The following CALN1 variants were observed in gnomAD, a reference collection of about 807,000 sequenced individuals.
The protein encoded by CALN1 is calneuron 1, also known as calcium-binding protein 8.
In CALN1, 17 loss-of-function variants were observed where a neutral mutation model predicts 30.6. The observed-to-expected ratio is 0.56, with a 90% CI of 0.38 to 0.83. The LOEUF (loss-of-function observed/expected upper bound fraction) is 0.83. CALN1 is among the 40% of genes least tolerant of loss of function. The probability of loss-of-function intolerance (pLI) is 0.00; values close to 1 mark genes in which losing one functional copy is unlikely to be tolerated. For missense variants in CALN1, 291 were observed against 354.9 expected (o/e 0.82, Z 1.45); for synonymous variants, 156 against 131.4 (o/e 1.19, Z -1.28).
chr7:71,999,952 A>G (rs1489733882), intron 5 of CALN1, among the ~76,000 whole-genome samples: 2 of 152,200 alleles, frequency 1.3e-5, no homozygotes, highest in Non-Finnish European at 2.9e-5. Context: ...ACTAGAAACT[A>G]GCAACAGAAA....
At chr7:72,217,159 G>A (rs78461601) in intron 3 of CALN1, among the ~76,000 whole-genome samples, 5 of 152,144 alleles carry the variant, frequency 3.3e-5, no homozygotes, top group Non-Finnish European at 7.3e-5. Context: ...CCAAGGTGCA[G>A]GCATTGTCCC....
intron 4 of CALN1, among the ~76,000 whole-genome samples, chr7:72,042,353 C>T (rs187312883): frequency 6.2e-4 from 95 of 152,236 alleles, no homozygotes; most frequent in Non-Finnish European, 1.1e-3. Flanking sequence ...TCTGAAGGAT[C>T]CAGAGTGTGG....
chr7:72,138,987 C>T (rs566085251), intron 3 of CALN1, among the ~76,000 whole-genome samples: 30 of 152,316 alleles, frequency 2.0e-4, no homozygotes, highest in Non-Finnish European at 2.2e-4. Context: ...CATCATCTAG[C>T]GTTCAATCTC....
chr7:71,987,286 T>G (rs1341867913), intron 5 of CALN1, among the ~76,000 whole-genome samples: 2 of 152,244 alleles, frequency 1.3e-5, no homozygotes, highest in Non-Finnish European at 2.9e-5. Context: ...TTGTGCTTAT[T>G]CAGTGTCTGT....
At chr7:72,414,866 C>A (rs1475156684), upstream of CALN1, among the ~76,000 whole-genome samples, 1 of 152,210 alleles carries the variant, frequency 6.6e-6, no homozygotes, top group African/African-American at 2.4e-5. Flanking sequence ...TGAATTGTGT[C>A]CCTCCTCCAA....
At chr7:72,043,819 C>G (rs1031338246) in intron 4 of CALN1, among the ~76,000 whole-genome samples, 2 of 152,260 alleles carry the variant, frequency 1.3e-5, no homozygotes, top group East Asian at 3.9e-4. Flanking sequence ...ACACATGAGA[C>G]TGGGCAATTT....
At chr7:72,248,264 G>T (rs1164886961) in intron 3 of CALN1, among the ~76,000 whole-genome samples, 1 of 152,016 alleles carries the variant, frequency 6.6e-6, no homozygotes, top group Non-Finnish European at 1.5e-5. Flanking sequence ...ACAAGTGCTC[G>T]CCACCACACC....
chr7:72,163,918 C>A (rs1335329033), intron 3 of CALN1, among the ~76,000 whole-genome samples: 3 of 151,746 alleles, frequency 2.0e-5, no homozygotes, highest in African/African-American at 7.3e-5. Flanking sequence ...ATCAGACTAC[C>A]ACAAACAAGA....
intron 3 of CALN1, among the ~76,000 whole-genome samples, chr7:72,169,226 A>C (rs915102104): frequency 5.3e-5 from 8 of 151,100 alleles, no homozygotes; most frequent in East Asian, 1.9e-4. Flanking sequence ...AACTTAAGAC[A>C]AAAAAAAAGC....
At chr7:72,388,748 A>C (rs1392078924) in intron 2 of CALN1, among the ~76,000 whole-genome samples, 2 of 152,182 alleles carry the variant, frequency 1.3e-5, no homozygotes, top group East Asian at 3.9e-4. Context: ...TGCTGATCCC[A>C]CATACATGAC....
intron 5 of CALN1, among the ~76,000 whole-genome samples, chr7:71,920,399 G>T (rs1031673236): frequency 7.0e-6 from 1 of 142,858 alleles, no homozygotes. Flanking sequence ...GTAGTGGTGC[G>T]ATCTCGGCTC....
the CALN1 span, among the ~76,000 whole-genome samples, chr7:72,503,024 T>C: frequency 1.5e-3 from 230 of 152,150 alleles, 3 homozygotes; most frequent in African/African-American, 5.4e-3. Context: ...ATGGTGGCTA[T>C]AATCCCAGTT....
At chr7:72,405,325 C>T (rs1806626877) in intron 1 of CALN1, among the ~76,000 whole-genome samples, 1 of 152,240 alleles carries the variant, frequency 6.6e-6, no homozygotes, top group African/African-American at 2.4e-5. Flanking sequence ...CAGATGCGTG[C>T]TCACAGACCA....
chr7:72,296,648 G>A (rs1286863924), intron 2 of CALN1, among the ~76,000 whole-genome samples: 14 of 141,712 alleles, frequency 9.9e-5, no homozygotes, highest in African/African-American at 3.6e-4. Context: ...GTTTATTTGC[G>A]TAGAGGTGTT....
At chr7:72,051,910 T>A (rs566270009) in intron 4 of CALN1, among the ~76,000 whole-genome samples, 1 of 152,234 alleles carries the variant, frequency 6.6e-6, no homozygotes, top group Admixed American at 6.5e-5. Flanking sequence ...GTAAGAGTGA[T>A]CTATCTCAAG....
intron 3 of CALN1, among the ~76,000 whole-genome samples, chr7:72,212,268 G>T (rs1792460877): frequency 1.3e-5 from 2 of 149,004 alleles, no homozygotes; most frequent in Admixed American, 1.4e-4. Flanking sequence ...GGAATTGCCT[G>T]AACCCACGAG....
chr7:71,865,172 T>A (rs995171522), intron 5 of CALN1, among the ~76,000 whole-genome samples: 1 of 152,174 alleles, frequency 6.6e-6, no homozygotes, highest in Non-Finnish European at 1.5e-5. Flanking sequence ...TAATCCCCAG[T>A]GTCGGAGGTG....
At chr7:71,929,201 G>GGT (rs1392808934) in intron 5 of CALN1, among the ~76,000 whole-genome samples, 6 of 152,118 alleles carry the variant, frequency 3.9e-5, no homozygotes, top group African/African-American at 1.4e-4. Context: ...GTGCCATGGT[G>GGT]GTTTACCTCA....
At chr7:71,844,945 C>T (rs527426683) in intron 5 of CALN1, among the ~76,000 whole-genome samples, 4 of 151,918 alleles carry the variant, frequency 2.6e-5, no homozygotes, top group African/African-American at 4.8e-5. Context: ...GCTGGAGTAC[C>T]GTGGCATGAT....
Sources: allele counts gnomAD v4.1 joint callset (sites outside exome capture counted in the v4.1 genomes callset), GRCh38; gene constraint gnomAD v4.1.1; transcripts MANE v1.5; gene names NCBI Gene and HGNC (gene_info 2026-07-23, HGNC 2026-07-21).